HDGFL3: variants seen among roughly 807,000 people sequenced by gnomAD.
HDGFL3 encodes HDGF like 3.
Under a neutral mutation model 27.6 loss-of-function variants are expected in HDGFL3, and 6 were observed. The observed-to-expected ratio is 0.22, with a 90% CI of 0.12 to 0.43. HDGFL3 has a LOEUF of 0.43. HDGFL3 is among the 20% of genes least tolerant of loss of function. The probability of loss-of-function intolerance (pLI) is 1.00; values close to 1 mark genes in which losing one functional copy is unlikely to be tolerated. For missense variants in HDGFL3, 207 were observed against 250.1 expected (o/e 0.83, Z 1.16); for synonymous variants, 88 against 88.9 (o/e 0.99, Z 0.05).
intron 1 of HDGFL3, among the ~76,000 whole-genome samples, chr15:83,165,375 G>A (rs986545409): frequency 1.3e-5 from 2 of 152,184 alleles, no homozygotes; most frequent in Admixed American, 1.3e-4. Flanking sequence ...CAGAGTTGCT[G>A]TGAGCAAATG....
At chr15:83,169,394 G>A (rs550496580) in intron 1 of HDGFL3, among the ~76,000 whole-genome samples, 163 of 114,462 alleles carry the variant, frequency 1.4e-3, no homozygotes, top group Non-Finnish European at 1.9e-3. Flanking sequence ...CAGCCTGGGC[G>A]ACAGAGCGAG....
chr15:83,136,447 T>G lies in HDGFL3; in HGVS notation c.*2823A>C. On this transcript the variant is annotated 3_prime_UTR_variant, in exon 6 of 6. Transcript: ENST00000299633. Reference sequence around the variant, plus strand: ...CATGCATCCAACTGAACACGTTTCATGCTTACTCAATTTTTTTTTTTTAAA... The same window carrying G: ...CATGCATCCAACTGAACACGTTTCAGGCTTACTCAATTTTTTTTTTTTAAA... 2 of 1,545,772 alleles carry G rather than the reference T, an allele frequency of 1.3e-6. No homozygotes were observed. Among genetic ancestry groups the G allele is most frequent in the Non-Finnish European group, 1.7e-6 (2 of 1,148,514 alleles).
chr15:83,204,936 G>A (rs1409118122), intron 1 of HDGFL3, among the ~76,000 whole-genome samples: 40 of 152,208 alleles, frequency 2.6e-4, no homozygotes, highest in Non-Finnish European at 2.9e-5. Flanking sequence ...GAGCAAGGAA[G>A]TTGCTTCTCC....
chr15:83,173,312 A>G (rs2037268916), intron 1 of HDGFL3, among the ~76,000 whole-genome samples: 2 of 152,246 alleles, frequency 1.3e-5, no homozygotes, highest in Admixed American at 1.3e-4. Context: ...CAATACTATT[A>G]TAAAATAGGC....
intron 5 of HDGFL3, among the ~76,000 whole-genome samples, chr15:83,143,161 T>C (rs892681658): frequency 6.6e-6 from 1 of 152,006 alleles, no homozygotes; most frequent in Non-Finnish European, 1.5e-5. Flanking sequence ...TACGGGCACA[T>C]GCCACCACGC....
At chr15:83,192,349 T>G (rs992306185) in intron 1 of HDGFL3, 9 of 453,662 alleles carry the variant, frequency 2.0e-5, no homozygotes, top group African/African-American at 1.8e-4. Flanking sequence ...TTGATAGACA[T>G]GCACTCCTGA....
intron 5 of HDGFL3, among the ~76,000 whole-genome samples, chr15:83,148,473 T>C (rs181371839): frequency 8.6e-4 from 130 of 151,944 alleles, no homozygotes; most frequent in African/African-American, 3.1e-3. Context: ...TACAAAAAAA[T>C]TAGCCAGGTG....
intron 4 of HDGFL3, 187 bp downstream of exon 4, chr15:83,157,228 T>G: frequency 1.6e-6 from 1 of 623,752 alleles, no homozygotes. Flanking sequence ...CCCTAAAGAG[T>G]CAATAGTCAG....
At chr15:83,189,052 A>G (rs2037479528) in intron 1 of HDGFL3, among the ~76,000 whole-genome samples, 1 of 152,006 alleles carries the variant, frequency 6.6e-6, no homozygotes, top group East Asian at 1.9e-4. Context: ...GTGTCCTTCA[A>G]TTATACCCCA....
At position 83,132,414 on chromosome 15, in the gene HDGFL3, G is replaced by A. The variant is rs912673355; in HGVS notation, c.*6856C>T. On this transcript the variant is annotated 3_prime_UTR_variant, in exon 6 of 6. Transcript: ENST00000299633. ...CTGCCATCCCACAGCCAGCGAAGGA[G>A]GTTCAGTTACTTCAGTCAGGTGCTG... The A allele has an allele frequency of 6.6e-6, 1 of 152,216 alleles. No individual in the cohort carries two copies. Among genetic ancestry groups the A allele is most frequent in the Non-Finnish European group, 1.5e-5 (1 of 68,040 alleles). 9.4% of individuals were successfully genotyped at this position (152,216 alleles called of 1,614,324 possible).
Position 83,136,240 on chromosome 15 carries a change from TAA to T in HDGFL3, c.*3028_*3029del, listed in dbSNP as rs2036599201. ...CACAACTGGCATGATAAAACTACAC[TAA>T]ATAATATCTACTTTATTTGAACAGT... On this transcript the variant is annotated 3_prime_UTR_variant, in exon 6 of 6. Coordinates refer to ENST00000299633, the MANE Select transcript of HDGFL3 (RefSeq NM_016073.4). 1 of 353,814 alleles carries T rather than the reference TAA, an allele frequency of 2.8e-6. No individual in the cohort carries two copies. The highest frequency in any genetic ancestry group is 2.1e-5 in the African/African-American group (1 of 47,696). 21.9% of individuals were successfully genotyped at this position (353,814 alleles called of 1,614,324 possible).
intron 1 of HDGFL3, among the ~76,000 whole-genome samples, chr15:83,165,929 AG>A (rs1448238313): frequency 6.6e-6 from 1 of 152,088 alleles, no homozygotes; most frequent in African/African-American, 2.4e-5. Flanking sequence ...AAAAATGAAC[AG>A]TCTTTGAGAA....
exon 4 of HDGFL3, chr15:83,113,076 A>C: frequency 3.2e-6 from 2 of 619,072 alleles, no homozygotes; most frequent in Non-Finnish European, 5.8e-6. Flanking sequence ...CCTCTCAGGC[A>C]GTGGACTCCA....
intron 1 of HDGFL3, among the ~76,000 whole-genome samples, chr15:83,171,677 G>A (rs891588455): frequency 4.6e-5 from 7 of 152,112 alleles, no homozygotes; most frequent in African/African-American, 1.7e-4. Context: ...CTTGTAAGTG[G>A]GAGCTAAGTA....
At chr15:83,201,543 T>C (rs543985839) in intron 1 of HDGFL3, among the ~76,000 whole-genome samples, 8 of 152,304 alleles carry the variant, frequency 5.3e-5, no homozygotes, top group Non-Finnish European at 8.8e-5. Flanking sequence ...TCCTACTATA[T>C]TTATTATACT....
At chr15:83,151,186 G>C in intron 5 of HDGFL3, 29 bp downstream of exon 5, 1 of 1,597,234 alleles carries the variant, frequency 6.3e-7, no homozygotes, top group Non-Finnish European at 8.5e-7. Context: ...TCTAATAGAA[G>C]GTAAGAGAAA....
chr15:83,137,554 A>G lies in HDGFL3; in HGVS notation c.*1716T>C, dbSNP rs2036676289. 6.6e-6 allele frequency: 1 copy of G among 152,194 alleles called. No individual in the cohort carries two copies. Among genetic ancestry groups the G allele is most frequent in the Admixed American group, 6.5e-5 (1 of 15,278 alleles). 9.4% of individuals were successfully genotyped at this position (152,194 alleles called of 1,614,324 possible). A position where few individuals can be genotyped will look rare whatever the true frequency, so the allele number is the denominator to read the frequency against. ...AATACATTCAAATATTCAAAATTAA[A>G]AAGGACCTTTTAAGGAAGAAGTATT... On this transcript the variant is annotated 3_prime_UTR_variant, in exon 6 of 6. Transcript: ENST00000299633.
intron 1 of HDGFL3, among the ~76,000 whole-genome samples, chr15:83,185,362 G>A (rs2037429726): frequency 6.6e-6 from 1 of 152,180 alleles, no homozygotes; most frequent in African/African-American, 2.4e-5. Context: ...AGAAGTCATA[G>A]AATGCTGGTA....
intron 1 of HDGFL3, among the ~76,000 whole-genome samples, chr15:83,202,496 T>C (rs1353702429): frequency 1.3e-5 from 2 of 152,038 alleles, no homozygotes; most frequent in Non-Finnish European, 2.9e-5. Context: ...ATGAAGTTTC[T>C]ATAATAAGTC....
Sources: allele counts gnomAD v4.1 joint callset (sites outside exome capture counted in the v4.1 genomes callset), GRCh38; gene constraint gnomAD v4.1.1; transcripts MANE v1.5; gene names NCBI Gene and HGNC (gene_info 2026-07-23, HGNC 2026-07-21).